Variants in CACNA1S observed in about 807,000 individuals in gnomAD.
CACNA1S encodes the protein voltage-dependent L-type calcium channel subunit alpha-1S.
A neutral mutation model predicts 207.4 loss-of-function variants in CACNA1S; 126 were observed. The ratio of observed to expected loss-of-function variants is 0.61; its 90% CI spans 0.53 to 0.70. CACNA1S has a LOEUF of 0.70. CACNA1S is among the 30% of genes least tolerant of loss of function. The probability of loss-of-function intolerance (pLI) is 0.00; values close to 1 mark genes in which losing one functional copy is unlikely to be tolerated. For missense variants in CACNA1S, 2,349 were observed against 2,422.8 expected, an observed-to-expected ratio of 0.97 and a Z score of 0.64; for synonymous variants, 960 against 932.7, an observed-to-expected ratio of 1.03 and a Z score of -0.53.
At chr1:201,095,048 A>G (rs1662366254) in intron 2 of CACNA1S, among the ~76,000 whole-genome samples, 1 of 152,008 alleles carries the variant, frequency 6.6e-6, no homozygotes, top group African/African-American at 2.4e-5. Flanking sequence ...TTCCCAGATT[A>G]GCACAGCCTC....
At chr1:201,060,632 A>G in intron 26 of CACNA1S, 26 bp downstream of exon 26, 1 of 1,613,298 alleles carries the variant, frequency 6.2e-7, no homozygotes, top group Non-Finnish European at 8.5e-7. Flanking sequence ...GTCTGATCAG[A>G]CATTTTTCTC....
chr1:201,041,812 A>G (rs898482138), intron 40 of CACNA1S: 9 of 616,316 alleles, frequency 1.5e-5, no homozygotes, highest in Non-Finnish European at 2.6e-5. Flanking sequence ...TCCTTTGCTC[A>G]GTTGCTCCCT....
At chr1:201,101,782 C>T (rs865782502) in intron 2 of CACNA1S, among the ~76,000 whole-genome samples, 1 of 152,118 alleles carries the variant, frequency 6.6e-6, no homozygotes, top group African/African-American at 2.4e-5. Context: ...GTGAGGTGGC[C>T]AGCCCCGATG....
At position 201,083,253 on chromosome 1, in the gene CACNA1S, G is replaced by A. The variant is rs1051111849; in HGVS notation, c.1302C>T (p.Phe434=). ...CAACGATGAGAATCACCAGCCAATA[G>A]AAGACCTTGGACTTCACGATGTCAT... ...KCHDIVKSKV[F]YWLVILIVAL... The change falls in exon 10 of 44, where the codon TTC becomes TTT. Residue 434 remains phenylalanine (F), a synonymous_variant. Coordinates refer to ENST00000362061, the MANE Select transcript of CACNA1S (RefSeq NM_000069.3). 3.6e-5 allele frequency: 58 copies of A among 1,614,112 alleles called. No individual in the cohort carries two copies. The highest frequency in any genetic ancestry group is 4.5e-5 in the Non-Finnish European group (53 of 1,180,042).
At chr1:201,073,901 G>A (rs1270609080) in intron 14 of CACNA1S, among the ~76,000 whole-genome samples, 1 of 152,174 alleles carries the variant, frequency 6.6e-6, no homozygotes, top group Non-Finnish European at 1.5e-5. Context: ...ATAGTGAATG[G>A]GTGGAGTGTG....
intron 34 of CACNA1S, among the ~76,000 whole-genome samples, chr1:201,049,681 G>A (rs1050966667): frequency 6.6e-6 from 1 of 152,172 alleles, no homozygotes; most frequent in Non-Finnish European, 1.5e-5. Flanking sequence ...GCGAAAAAGA[G>A]ATGAAACATT....
chr1:201,099,549 T>C (rs910720022), intron 2 of CACNA1S, among the ~76,000 whole-genome samples: 1 of 152,216 alleles, frequency 6.6e-6, no homozygotes, highest in African/African-American at 2.4e-5. Flanking sequence ...GGACTCATAT[T>C]CGTTGTTAAC....
Position 201,074,608 on chromosome 1 carries a change from T to A in CACNA1S, c.1961A>T (p.Asn654Ile). 1 of 1,611,636 alleles carries A rather than the reference T, an allele frequency of 6.2e-7. No individual in the cohort carries two copies. The highest frequency in any genetic ancestry group is 8.5e-7 in the Non-Finnish European group (1 of 1,177,948). ...LFVCGNYILL[N>I]VFLAIAVDNL... is the part of the protein sequence containing the mutation. The stretch of plus-strand genomic sequence containing the variant: ...GTCCACGGCAATGGCCAGGAAGACA[T>A]TGAGCAGGATGTCTGAGCGGGTTTA... The change falls in exon 14 of 44, where the codon AAT (asparagine) becomes ATT (isoleucine). Residue 654 changes from asparagine to isoleucine, a missense_variant. Physicochemically the swap from Asn to Ile is moderately radical, Grantham distance 149 (BLOSUM62 -3). Transcript: ENST00000362061.
At chr1:201,075,704 C>A (rs1661588573) in intron 12 of CACNA1S, 89 bp from the exon 13 acceptor site, 3 of 1,408,506 alleles carry the variant, frequency 2.1e-6, no homozygotes, top group African/African-American at 2.8e-5. Context: ...TCTCCTCCAA[C>A]TCTGTGGTTC....
At chr1:201,111,046 G>T (rs184837031) in intron 1 of CACNA1S, among the ~76,000 whole-genome samples, 1 of 152,224 alleles carries the variant, frequency 6.6e-6, no homozygotes, top group Non-Finnish European at 1.5e-5. Context: ...TGAGAAAAGA[G>T]GAGGGCCACA....
At chr1:201,041,918 C>A in intron 40 of CACNA1S, 1 of 410,706 alleles carries the variant, frequency 2.4e-6, no homozygotes, top group East Asian at 5.5e-5. Flanking sequence ...CATAGGATCA[C>A]CTGAGGAGCT....
At chr1:201,108,666 T>C (rs1273315784) in intron 2 of CACNA1S, among the ~76,000 whole-genome samples, 1 of 152,132 alleles carries the variant, frequency 6.6e-6, no homozygotes, top group African/African-American at 2.4e-5. Flanking sequence ...TCAGAGTGTT[T>C]TCCCCTCATA....
At chr1:201,049,138 C>T in intron 34 of CACNA1S, 39 bp from the exon 35 acceptor site, 1 of 1,415,806 alleles carries the variant, frequency 7.1e-7, no homozygotes, top group Non-Finnish European at 9.8e-7. Context: ...CTGCTACCCT[C>T]CTCCGCTGCC....
intron 8 of CACNA1S, 34 bp downstream of exon 8, chr1:201,085,402 G>C (rs1222066155): frequency 1.2e-6 from 2 of 1,613,632 alleles, no homozygotes; most frequent in African/African-American, 1.3e-5. Flanking sequence ...TGAGAGAGTG[G>C]GGTGAGTGCT....
intron 22 of CACNA1S, among the ~76,000 whole-genome samples, 173 bp from the exon 23 acceptor site, chr1:201,062,687 C>T (rs780988394): frequency 1.3e-5 from 2 of 152,232 alleles, no homozygotes; most frequent in South Asian, 2.1e-4. Context: ...TGGGGCAGGG[C>T]CCCAGAGCAG....
At chr1:201,043,096 C>G (rs971032857) in intron 40 of CACNA1S, 185 bp downstream of exon 40, 7 of 677,090 alleles carry the variant, frequency 1.0e-5, no homozygotes, top group Non-Finnish European at 1.8e-5. Context: ...CTTCCCCCTG[C>G]TGGCCAAAGA....
In CACNA1S at chr1:201,105,099, G is replaced by T. The variant is rs531855630; in HGVS notation, c.258+5065C>A. Among the ~76,000 whole-genome samples, 11 of 152,368 alleles carry T rather than the reference G, an allele frequency of 7.2e-5. 1 individual carries two copies. The highest frequency in any genetic ancestry group is 1.5e-4 in the Non-Finnish European group (10 of 68,040). ...GGACTGGGGAGGGGTGATCAGGAAA[G>T]CCATTAAGAAAAGTTAGGGGTTTCA... On this transcript the variant is annotated intron_variant, in intron 2 of 43. Transcript: ENST00000362061.
chr1:201,041,756 C>T, intron 40 of CACNA1S, 167 bp from the exon 41 acceptor site: 2 of 688,016 alleles, frequency 2.9e-6, no homozygotes, highest in South Asian at 3.1e-5. Flanking sequence ...CCCCAGCCAG[C>T]CCTGACTCTC....
intron 7 of CACNA1S, among the ~76,000 whole-genome samples, chr1:201,087,610 C>T (rs1273743373): frequency 6.6e-6 from 1 of 152,066 alleles, no homozygotes; most frequent in Non-Finnish European, 1.5e-5. Context: ...GCGCTCTTGG[C>T]CCAACTGAGA....
Sources: gnomAD v4.1 joint callset for allele counts (sites outside exome capture counted in the v4.1 genomes callset) on GRCh38, gnomAD v4.1.1 for gene constraint, MANE v1.5 for transcripts, NCBI Gene and HGNC (gene_info 2026-07-23, HGNC 2026-07-21) for gene names.